EEFSEC: variants seen among roughly 807,000 people sequenced by gnomAD.
The protein encoded by EEFSEC is eukaryotic elongation factor, selenocysteine-tRNA specific.
Under a neutral mutation model 42.1 loss-of-function variants are expected in EEFSEC, and 43 were observed. The ratio of observed to expected loss-of-function variants is 1.02; its 90% CI spans 0.80 to 1.32. The LOEUF is 1.32. Ranked by LOEUF, EEFSEC falls within the 40% of genes most tolerant of loss-of-function variation. EEFSEC has a pLI of 0.00. For missense variants in EEFSEC, 745 were observed against 803.6 expected (o/e 0.93, Z 0.88); for synonymous variants, 354 against 339.1 (o/e 1.04, Z -0.48).
intron 1 of EEFSEC, among the ~76,000 whole-genome samples, chr3:128,218,977 C>T (rs956417449): frequency 9.9e-5 from 15 of 152,182 alleles, no homozygotes; most frequent in African/African-American, 3.4e-4. Context: ...TAATGTCCAG[C>T]GCCTGCCGTC....
chr3:128,422,857 C>T, the EEFSEC span, among the ~76,000 whole-genome samples: 1 of 152,246 alleles, frequency 6.6e-6, no homozygotes, highest in Non-Finnish European at 1.5e-5. Flanking sequence ...TTCAGGTCCC[C>T]CTTGTGTGCC....
At chr3:128,161,739 A>G (rs1453155706) in intron 1 of EEFSEC, among the ~76,000 whole-genome samples, 1 of 151,890 alleles carries the variant, frequency 6.6e-6, no homozygotes, top group Non-Finnish European at 1.5e-5. Context: ...TTCCCCTTTC[A>G]TCTGTTTTAT....
At chr3:128,274,644 C>G (rs570826358) in intron 4 of EEFSEC, among the ~76,000 whole-genome samples, 1 of 152,330 alleles carries the variant, frequency 6.6e-6, no homozygotes, top group African/African-American at 2.4e-5. Context: ...CTTATACGTG[C>G]TTTTGGGTGG....
chr3:128,354,895 G>A (rs1418811811), intron 5 of EEFSEC, among the ~76,000 whole-genome samples: 1 of 152,216 alleles, frequency 6.6e-6, no homozygotes, highest in Non-Finnish European at 1.5e-5. Flanking sequence ...GAGGCTGAGC[G>A]ATGGGCCTGC....
At position 128,408,578 on chromosome 3, in the gene EEFSEC, C is replaced by T. The variant is rs369888257; in HGVS notation, c.*319C>T. 1.2e-3 allele frequency: 325 copies of T among 276,482 alleles called. 3 individuals are homozygous for T. The highest frequency in any genetic ancestry group is 8.0e-3 in the East Asian group (131 of 16,328). 17.1% of individuals were successfully genotyped at this position (276,482 alleles called of 1,614,324 possible). Reference sequence around the variant, plus strand: ...CTGTTGGCCACCTGCAGGCCAGTCTCAACCCTCCCCCAGGTGGGCAGGCAC... The same window carrying T: ...CTGTTGGCCACCTGCAGGCCAGTCTTAACCCTCCCCCAGGTGGGCAGGCAC... On this transcript the variant is annotated 3_prime_UTR_variant, in exon 7 of 7. Coordinates refer to ENST00000254730, the MANE Select transcript of EEFSEC (RefSeq NM_021937.5).
chr3:128,177,028 G>A (rs371783360), intron 1 of EEFSEC, among the ~76,000 whole-genome samples: 8 of 149,102 alleles, frequency 5.4e-5, no homozygotes, highest in Admixed American at 2.0e-4. Context: ...ACAGAGTCTC[G>A]CTCTGTCACC....
chr3:128,249,626 G>T (rs1416837396), intron 2 of EEFSEC, among the ~76,000 whole-genome samples: 2 of 151,888 alleles, frequency 1.3e-5, no homozygotes, highest in Non-Finnish European at 2.9e-5. Context: ...CCTCTATTCT[G>T]CTTCTCATCT....
At chr3:128,338,147 A>G (rs185660526) in intron 4 of EEFSEC, among the ~76,000 whole-genome samples, 1 of 152,268 alleles carries the variant, frequency 6.6e-6, no homozygotes, top group Non-Finnish European at 1.5e-5. Flanking sequence ...TGCCTTATTC[A>G]TACAGTTCAG....
chr3:128,328,645 T>C (rs1215271934), intron 4 of EEFSEC, among the ~76,000 whole-genome samples: 1 of 152,186 alleles, frequency 6.6e-6, no homozygotes, highest in African/African-American at 2.4e-5. Flanking sequence ...CTGCTTTACA[T>C]CCCTTGGATT....
intron 4 of EEFSEC, among the ~76,000 whole-genome samples, chr3:128,326,423 G>A (rs2067064241): frequency 6.6e-6 from 1 of 152,208 alleles, no homozygotes; most frequent in Non-Finnish European, 1.5e-5. Context: ...TAGATGGAGG[G>A]AAAAGATAGT....
intron 6 of EEFSEC, among the ~76,000 whole-genome samples, chr3:128,371,021 C>A (rs911595514): frequency 1.3e-5 from 2 of 152,016 alleles, no homozygotes; most frequent in African/African-American, 4.8e-5. Flanking sequence ...AACTAATATT[C>A]ATTGCTTGTT....
the EEFSEC span, among the ~76,000 whole-genome samples, chr3:128,421,703 C>A: frequency 6.6e-6 from 1 of 152,192 alleles, no homozygotes; most frequent in African/African-American, 2.4e-5. Context: ...TTCCTCCGGG[C>A]AGCCTGGTGG....
chr3:128,211,463 T>G (rs1465087462), intron 1 of EEFSEC, among the ~76,000 whole-genome samples: 2 of 152,072 alleles, frequency 1.3e-5, no homozygotes, highest in African/African-American at 2.4e-5. Context: ...GATAACATAC[T>G]GTTACTTGAC....
chr3:128,379,477 C>T (rs1357426783), intron 6 of EEFSEC, among the ~76,000 whole-genome samples: 2 of 152,098 alleles, frequency 1.3e-5, no homozygotes, highest in Admixed American at 6.5e-5. Context: ...CAAGACGGAC[C>T]GTTCACAAAG....
At chr3:128,192,249 T>C (rs770911900) in intron 1 of EEFSEC, among the ~76,000 whole-genome samples, 1 of 152,190 alleles carries the variant, frequency 6.6e-6, no homozygotes, top group Non-Finnish European at 1.5e-5. Context: ...ACAGGGCTGA[T>C]GCCTCGTTTC....
At chr3:128,161,939 T>C (rs2065192953) in intron 1 of EEFSEC, among the ~76,000 whole-genome samples, 1 of 152,224 alleles carries the variant, frequency 6.6e-6, no homozygotes, top group Non-Finnish European at 1.5e-5. Context: ...AGGTAGGCCT[T>C]GGTGTCCTTG....
the EEFSEC span, among the ~76,000 whole-genome samples, chr3:128,420,527 G>A: frequency 6.6e-6 from 1 of 152,152 alleles, no homozygotes; most frequent in South Asian, 2.1e-4. Context: ...CCACGCCTGG[G>A]ATCCCTGCAG....
intron 4 of EEFSEC, among the ~76,000 whole-genome samples, chr3:128,318,951 G>T (rs757781681): frequency 2.0e-5 from 3 of 152,242 alleles, no homozygotes; most frequent in East Asian, 1.9e-4. Context: ...CAGAGGCCCA[G>T]AGAGGAGAAA....
At chr3:128,157,044 A>C (rs1944392845) in intron 1 of EEFSEC, among the ~76,000 whole-genome samples, 1 of 152,258 alleles carries the variant, frequency 6.6e-6, no homozygotes, top group South Asian at 2.1e-4. Flanking sequence ...GAAGGAAATT[A>C]AAAGTGCTAC....
Sources: allele counts gnomAD v4.1 joint callset (sites outside exome capture counted in the v4.1 genomes callset), GRCh38; gene constraint gnomAD v4.1.1; transcripts MANE v1.5; gene names NCBI Gene and HGNC (gene_info 2026-07-23, HGNC 2026-07-21).